The following MAP1LC3B variants were observed in gnomAD, a reference collection of about 807,000 sequenced individuals.
The protein encoded by MAP1LC3B is microtubule-associated protein 1 light chain 3 beta.
MAP1LC3B carries 12 observed loss-of-function variants against 16.7 expected under a neutral mutation model. The ratio of observed to expected loss-of-function variants is 0.72; its 90% CI spans 0.46 to 1.16. The LOEUF is 1.16. Ranked by LOEUF, MAP1LC3B falls within the 50% of genes most tolerant of loss-of-function variation. The pLI is 0.00. For synonymous variants in MAP1LC3B, 63 were observed against 56.5 expected (o/e 1.11, Z -0.51); for missense variants, 155 against 159.5 (o/e 0.97, Z 0.15).
intron 2 of MAP1LC3B, 38 bp downstream of exon 2, chr16:87,398,908 A>G: frequency 6.3e-7 from 1 of 1,581,770 alleles, no homozygotes; most frequent in Non-Finnish European, 8.7e-7. Flanking sequence ...TCATGAATGT[A>G]CGCAGAGGAG....
chr16:87,393,990 A>T (rs1386439806), intron 1 of MAP1LC3B, among the ~76,000 whole-genome samples: 1 of 152,204 alleles, frequency 6.6e-6, no homozygotes, highest in Non-Finnish European at 1.5e-5. Context: ...TTATTCTGGA[A>T]AAGTCTCTGC....
chr16:87,401,017 C>T (rs1336658323), intron 2 of MAP1LC3B, among the ~76,000 whole-genome samples: 1 of 151,688 alleles, frequency 6.6e-6, no homozygotes, highest in Non-Finnish European at 1.5e-5. Flanking sequence ...CCTGTAATCC[C>T]AGCTACTCAG....
intron 1 of MAP1LC3B, among the ~76,000 whole-genome samples, chr16:87,393,576 C>T (rs1219696905): frequency 6.6e-6 from 1 of 152,202 alleles, no homozygotes; most frequent in Non-Finnish European, 1.5e-5. Flanking sequence ...TGGACCTTAG[C>T]TTGCCAAGCA....
Position 87,402,990 on chromosome 16 carries a change from G to C in MAP1LC3B, c.271G>C (p.Val91Leu), listed in dbSNP as rs149003518. The C allele has an allele frequency of 6.2e-7, 1 of 1,613,922 alleles. No homozygotes were observed. Among genetic ancestry groups the C allele is most frequent in the Non-Finnish European group, 8.5e-7 (1 of 1,179,920 alleles). The change falls in exon 4 of 4, where the codon GTC becomes CTC. Residue 91 changes from valine to leucine, a missense_variant. Physicochemically the swap from Val to Leu is conservative, Grantham distance 32. Coordinates refer to ENST00000268607, the MANE Select transcript of MAP1LC3B (RefSeq NM_022818.5). ...GGTGAACGGACACAGCATGGTCAGC[G>C]TCTCCACACCAATCTCAGAGGTGTA... ...LLVNGHSMVS[V>L]STPISEVYES...
At chr16:87,397,994 A>C (rs983475960) in intron 1 of MAP1LC3B, among the ~76,000 whole-genome samples, 2 of 151,574 alleles carry the variant, frequency 1.3e-5, no homozygotes, top group African/African-American at 4.9e-5. Flanking sequence ...TGAAATTATC[A>C]ATAAGTGATT....
At chr16:87,397,835 C>CT (rs1260274643) in intron 1 of MAP1LC3B, among the ~76,000 whole-genome samples, 1 of 150,884 alleles carries the variant, frequency 6.6e-6, no homozygotes, top group Non-Finnish European at 1.5e-5. Flanking sequence ...ATAATGCCAT[C>CT]TAAGTCATAT....
intron 2 of MAP1LC3B, 99 bp downstream of exon 2, chr16:87,398,969 C>G: frequency 9.9e-7 from 1 of 1,015,142 alleles, no homozygotes; most frequent in Non-Finnish European, 1.6e-6. Flanking sequence ...AATCACCAGA[C>G]AGCCAAACCC....
Position 87,392,452 on chromosome 16 carries a change from C to T in MAP1LC3B, c.25C>T (p.Gln9Ter). The change falls in exon 1 of 4, where the codon CAG (glutamine) becomes TAG (stop). Residue 9 changes from glutamine (Q) to a stop codon, truncating the protein, a stop_gained. Transcript: ENST00000268607. LOFTEE classifies it high-confidence loss of function. MPSEKTFK[Q>*]RRTFEQRVED... ...CATGCCGTCGGAGAAGACCTTCAAG[C>T]AGCGCCGCACCTTCGGTGAGTGTCG... is the stretch of plus-strand genomic sequence containing the variant. The T allele has an allele frequency of 7.3e-7, 1 of 1,375,408 alleles. No individual in the cohort carries two copies. Among genetic ancestry groups the T allele is most frequent in the Admixed American group, 3.9e-5 (1 of 25,738 alleles). The allele number at this position is 1,375,408 out of a possible 1,614,324, so 85.2% of individuals were successfully genotyped here.
chr16:87,399,239 C>T (rs1437871111), intron 2 of MAP1LC3B: 9 of 261,880 alleles, frequency 3.4e-5, no homozygotes, highest in Non-Finnish European at 7.5e-6. Context: ...TCTCAAACTC[C>T]TGGGCTCAAA....
At position 87,402,256 on chromosome 16, in the gene MAP1LC3B, A is replaced by G. The variant is rs145476799; in HGVS notation, c.178A>G (p.Met60Val). ...TKFLVPDHVN[M>V]SELIKIIRRR... is the part of the protein sequence containing the mutation. ...GTTCCTTGTACCTGACCATGTCAACATGAGTGAGCTCATCAAGATAATTAG... is the reference window on the plus strand; with the variant it reads ...GTTCCTTGTACCTGACCATGTCAACGTGAGTGAGCTCATCAAGATAATTAG... Residue 60 changes from methionine to valine, a missense_variant, in exon 3 of 4, where the codon ATG (methionine) becomes GTG (valine). Physicochemically the swap from Met to Val is conservative, Grantham distance 21. Coordinates refer to ENST00000268607, the MANE Select transcript of MAP1LC3B (RefSeq NM_022818.5). 136 of 1,614,136 alleles carry G rather than the reference A, an allele frequency of 8.4e-5. No individual in the cohort carries two copies. In the African/African-American group the frequency reaches 1.2e-3, roughly 14 times the overall value.
chr16:87,402,379 TA>T, intron 3 of MAP1LC3B, 98 bp downstream of exon 3: 1 of 1,147,568 alleles, frequency 8.7e-7, no homozygotes, highest in Non-Finnish European at 1.2e-6. Context: ...TTAAAATCTT[TA>T]AAAAATATTT....
chr16:87,397,996 T>C (rs1278695899), intron 1 of MAP1LC3B, among the ~76,000 whole-genome samples: 1 of 151,970 alleles, frequency 6.6e-6, no homozygotes. Flanking sequence ...AAATTATCAA[T>C]AAGTGATTCT....
At position 87,402,991 on chromosome 16, in the gene MAP1LC3B, T is replaced by G. The variant is rs753075601; in HGVS notation, c.272T>G (p.Val91Gly). The change falls in exon 4 of 4, where the codon GTC (valine) becomes GGC (glycine). Residue 91 changes from valine (V) to glycine (G), a missense_variant. Val to Gly is a moderately radical substitution (Grantham distance 109, BLOSUM62 -3). Transcript: ENST00000268607. ...LLVNGHSMVS[V>G]STPISEVYES... ...GTGAACGGACACAGCATGGTCAGCG[T>G]CTCCACACCAATCTCAGAGGTGTAT... 1.9e-6 allele frequency: 3 copies of G among 1,613,866 alleles called. No individual in the cohort carries two copies. In the South Asian group the frequency reaches 3.3e-5, roughly 18 times the overall value.
rs754761399 is a variant in MAP1LC3B at position 87,402,282 on chromosome 16, G to A, written c.203+1G>A. The A allele has an allele frequency of 6.2e-7, 1 of 1,612,532 alleles. No homozygotes were observed. The highest frequency in any genetic ancestry group is 8.5e-7 in the Non-Finnish European group (1 of 1,178,930). Reference sequence around the variant, plus strand: ...TGAGTGAGCTCATCAAGATAATTAGGTATTCAGTCACCTTTGTTTCATAAT... The same window carrying A: ...TGAGTGAGCTCATCAAGATAATTAGATATTCAGTCACCTTTGTTTCATAAT... On this transcript the variant is annotated splice_donor_variant, in intron 3 of 3. Coordinates refer to ENST00000268607, the MANE Select transcript of MAP1LC3B (RefSeq NM_022818.5). LOFTEE classifies it high-confidence loss of function.
chr16:87,400,170 GTGTA>G lies in MAP1LC3B; in HGVS notation c.96+1302_96+1305del, dbSNP rs1285830538. The G allele has an allele frequency of 1.4e-4, 11 of 76,094 alleles. No homozygotes were observed. The South Asian group carries it at 2.0e-3, about 13-fold the overall frequency. The allele number at this position is 76,094 out of a possible 1,614,324, so 4.7% of individuals were successfully genotyped here. ...TGTGTGTGTGTGTGTGTGTGTGTGT[GTGTA>G]TAAAATTTTTTTTTTTTTTTTGAGA... On this transcript the variant is annotated intron_variant, in intron 2 of 3. Coordinates refer to ENST00000268607, the MANE Select transcript of MAP1LC3B (RefSeq NM_022818.5).
chr16:87,395,106 A>G (rs778210682), intron 1 of MAP1LC3B, among the ~76,000 whole-genome samples: 3 of 152,172 alleles, frequency 2.0e-5, no homozygotes, highest in Non-Finnish European at 4.4e-5. Flanking sequence ...TCCTGGAAAA[A>G]CTGAAATTTT....
intron 1 of MAP1LC3B, 94 bp from the exon 2 acceptor site, chr16:87,398,721 G>C (rs1458376503): frequency 4.6e-6 from 5 of 1,083,890 alleles, no homozygotes; most frequent in African/African-American, 3.1e-5. Flanking sequence ...CTGTGCCACA[G>C]CTAGCAGCTG....
chr16:87,392,437 G>C lies in MAP1LC3B; in HGVS notation c.10G>C (p.Glu4Gln). The C allele has an allele frequency of 7.1e-7, 1 of 1,418,326 alleles. No individual in the cohort carries two copies. The highest frequency in any genetic ancestry group is 9.1e-7 in the Non-Finnish European group (1 of 1,095,582). 87.9% of individuals were successfully genotyped at this position (1,418,326 alleles called of 1,614,324 possible). The change falls in exon 1 of 4, where the codon GAG (glutamate) becomes CAG (glutamine). Residue 4 changes from glutamate (E) to glutamine (Q), a missense_variant. Coordinates refer to ENST00000268607, the MANE Select transcript of MAP1LC3B (RefSeq NM_022818.5). MPS[E>Q]KTFKQRRTFE... ...CCCAGATCCCTGCACCATGCCGTCG[G>C]AGAAGACCTTCAAGCAGCGCCGCAC...
At chr16:87,394,116 A>G (rs925741188) in intron 1 of MAP1LC3B, among the ~76,000 whole-genome samples, 9 of 151,910 alleles carry the variant, frequency 5.9e-5, no homozygotes, top group South Asian at 2.1e-4. Flanking sequence ...TTTTTTTCCC[A>G]TTGATGTATG....
Sources: allele counts gnomAD v4.1 joint callset (sites outside exome capture counted in the v4.1 genomes callset), GRCh38; gene constraint gnomAD v4.1.1; transcripts MANE v1.5; gene names NCBI Gene and HGNC (gene_info 2026-07-23, HGNC 2026-07-21).